Variants in PTPN13 observed in about 807,000 individuals in gnomAD.
PTPN13 encodes tyrosine-protein phosphatase non-receptor type 13.
A neutral mutation model predicts 284.0 loss-of-function variants in PTPN13; 191 were observed. That is an observed-to-expected ratio of 0.67 (90% CI 0.60 to 0.76). PTPN13 has a LOEUF of 0.76. Ranked by LOEUF, PTPN13 falls within the 30% of genes least tolerant of loss-of-function variation. The pLI is 0.00. For missense variants in PTPN13, 2,797 were observed against 2,939.9 expected (o/e 0.95, Z 1.12); for synonymous variants, 986 against 1,022.3 (o/e 0.96, Z 0.68).
chr4:86,684,100 TAA>T (rs3971792), intron 3 of PTPN13, among the ~76,000 whole-genome samples: 7 of 137,986 alleles, frequency 5.1e-5, no homozygotes, highest in African/African-American at 8.0e-5. Context: ...TAAGATATGT[TAA>T]AAAAAAAAAA....
chr4:86,758,474 C>G (rs996039126), intron 21 of PTPN13, 125 bp downstream of exon 21: 1 of 936,226 alleles, frequency 1.1e-6, no homozygotes. Flanking sequence ...TGGCTGCCCA[C>G]CTACAAGCCC....
chr4:86,663,240 A>G (rs1020190147), intron 2 of PTPN13, among the ~76,000 whole-genome samples: 3 of 152,228 alleles, frequency 2.0e-5, no homozygotes, highest in Non-Finnish European at 4.4e-5. Flanking sequence ...AAAGCATACA[A>G]ATTTATGGTA....
chr4:86,785,745 G>C lies in PTPN13; in HGVS notation c.6257-103G>C, dbSNP rs1354712509. The C allele has an allele frequency of 9.1e-6, 5 of 550,598 alleles. No individual in the cohort carries two copies. The East Asian group carries it at 1.6e-4, about 18-fold the overall frequency. The allele number at this position is 550,598 out of a possible 1,614,324, so 34.1% of individuals were successfully genotyped here. On this transcript the variant is annotated intron_variant, in intron 39 of 47. Coordinates refer to ENST00000411767, the MANE Select transcript of PTPN13 (RefSeq NM_080683.3). ...TAGTTAAAACATTGAAACTATTTAT[G>C]GATATTGGTTTATACACTGCCTTCT...
At chr4:86,761,873 A>G (rs1738736369) in intron 23 of PTPN13, among the ~76,000 whole-genome samples, 1 of 152,120 alleles carries the variant, frequency 6.6e-6, no homozygotes, top group Non-Finnish European at 1.5e-5. Flanking sequence ...CTTGTTGTCA[A>G]TTACTACATA....
Position 86,620,452 on chromosome 4 carries a change from C to G in PTPN13, c.-5-14800C>G, listed in dbSNP as rs1281999868. On this transcript the variant is annotated intron_variant, in intron 1 of 47. Coordinates refer to ENST00000411767, the MANE Select transcript of PTPN13 (RefSeq NM_080683.3). Reference sequence around the variant, plus strand: ...TGGGATTATAGGTATGAGCACTGCACCCGCAGAAATTTTATTCTTAAGAAA... The same window carrying G: ...TGGGATTATAGGTATGAGCACTGCAGCCGCAGAAATTTTATTCTTAAGAAA... Among the ~76,000 whole-genome samples, 3 of 152,112 alleles carry G rather than the reference C, an allele frequency of 2.0e-5. No individual in the cohort carries two copies. The South Asian group carries it at 6.2e-4, about 32-fold the overall frequency.
chr4:86,803,687 TA>T (rs1744321992), intron 42 of PTPN13, 21 bp from the exon 43 acceptor site: 1 of 1,611,226 alleles, frequency 6.2e-7, no homozygotes, highest in African/African-American at 1.3e-5. Context: ...GAACTGTTTT[TA>T]AATTGCTGTC....
chr4:86,639,561 A>G (rs903038508), intron 2 of PTPN13, among the ~76,000 whole-genome samples: 1 of 152,120 alleles, frequency 6.6e-6, no homozygotes, highest in African/African-American at 2.4e-5. Flanking sequence ...CATCATTCTC[A>G]GCAAACTATC....
In PTPN13 at chr4:86,616,517, G is replaced by C. The variant is rs529579542; in HGVS notation, c.-5-18735G>C. ...TCCCCAATGTTAGAGGTGGGGCCTG[G>C]TTGGGAGGTATTTAGATCGTGGGGC... is the stretch of plus-strand genomic sequence containing the variant. On this transcript the variant is annotated intron_variant, in intron 1 of 47. Transcript: ENST00000411767. Among the ~76,000 whole-genome samples, 296 of 147,882 alleles carry C rather than the reference G, an allele frequency of 2.0e-3. 1 individual carries two copies. The highest frequency in any genetic ancestry group is 7.1e-3 in the African/African-American group (286 of 40,052).
intron 6 of PTPN13, 119 bp from the exon 7 acceptor site, chr4:86,701,122 C>T (rs1334899940): frequency 1.4e-6 from 1 of 711,934 alleles, no homozygotes; most frequent in East Asian, 2.8e-5. Flanking sequence ...CATTTCACCT[C>T]TGATCTTCCA....
intron 43 of PTPN13, 32 bp downstream of exon 43, chr4:86,803,889 A>C (rs201271829): frequency 2.5e-6 from 4 of 1,602,776 alleles, no homozygotes; most frequent in Non-Finnish European, 2.6e-6. Context: ...TTCTCTCCCA[A>C]AGTGTATGCA....
intron 2 of PTPN13, among the ~76,000 whole-genome samples, chr4:86,652,796 C>T (rs1725247902): frequency 6.6e-6 from 1 of 151,992 alleles, no homozygotes; most frequent in Non-Finnish European, 1.5e-5. Flanking sequence ...GATATTCATA[C>T]TGTAGGTTTG....
Position 86,803,752 on chromosome 4 carries a change from C to T in PTPN13, c.6549C>T (p.Val2183=), listed in dbSNP as rs377718538. ...ACGATGAGCTCGCTGTACTCCCTGT[C>T]GTCAAAGTGCTTCCCTCTGGTAAAT... ...LTNDELAVLP[V]VKVLPSGKYT... is the part of the protein sequence containing the mutation. The change falls in exon 43 of 48, where the codon GTC becomes GTT. Residue 2183 remains valine (V), a synonymous_variant. Coordinates refer to ENST00000411767, the MANE Select transcript of PTPN13 (RefSeq NM_080683.3). The T allele has an allele frequency of 1.4e-5, 22 of 1,613,702 alleles. No individual in the cohort carries two copies. The highest frequency in any genetic ancestry group is 7.7e-5 in the South Asian group (7 of 91,072).
intron 1 of PTPN13, among the ~76,000 whole-genome samples, chr4:86,620,513 G>A (rs1012657290): frequency 4.6e-5 from 7 of 152,172 alleles, no homozygotes; most frequent in African/African-American, 1.7e-4. Context: ...CATTAATGCA[G>A]TACACATATG....
intron 5 of PTPN13, among the ~76,000 whole-genome samples, chr4:86,693,071 T>TAAA (rs34543988): frequency 1.8e-5 from 2 of 112,300 alleles, no homozygotes; most frequent in African/African-American, 3.3e-5. Flanking sequence ...CCGTTATATT[T>TAAA]AAAAAAAAAA....
rs774501203 is a variant in PTPN13, at chr4:86,768,709, C to CTT, written c.4489+751_4489+752dup. On this transcript the variant is annotated intron_variant, in intron 28 of 47. Coordinates refer to ENST00000411767, the MANE Select transcript of PTPN13 (RefSeq NM_080683.3). ...GCTCTTTATTCTTTATTTCTTCCATCTTTTTTTTTTTTTTTTTTTGAAACA... is the reference window on the plus strand; with the variant it reads ...GCTCTTTATTCTTTATTTCTTCCATCTTTTTTTTTTTTTTTTTTTTTGAAACA... Among the ~76,000 whole-genome samples the CTT allele has an allele frequency of 2.8e-4, 36 of 130,396 alleles. 1 individual carries two copies. Among genetic ancestry groups the CTT allele is most frequent in the African/African-American group, 4.6e-4 (15 of 32,944 alleles). 85.5% of individuals were successfully genotyped at this position (130,396 alleles called of 152,430 possible).
At chr4:86,803,420 G>A (rs1035799237) in intron 42 of PTPN13, among the ~76,000 whole-genome samples, 10 of 151,886 alleles carry the variant, frequency 6.6e-5, no homozygotes, top group African/African-American at 1.9e-4. Flanking sequence ...GGGAGACCCC[G>A]TCTCTTCAAA....
intron 11 of PTPN13, 52 bp from the exon 12 acceptor site, chr4:86,732,540 A>C: frequency 6.3e-7 from 1 of 1,596,014 alleles, no homozygotes; most frequent in Non-Finnish European, 8.6e-7. Flanking sequence ...AAACCAGTTA[A>C]AATTCTTATA....
chr4:86,743,960 T>C (rs1284691689), intron 16 of PTPN13, among the ~76,000 whole-genome samples: 1 of 152,138 alleles, frequency 6.6e-6, no homozygotes, highest in Non-Finnish European at 1.5e-5. Flanking sequence ...CCCCGACATG[T>C]TGAACACTGG....
intron 24 of PTPN13, 52 bp from the exon 25 acceptor site, chr4:86,764,541 A>G (rs1739062695): frequency 1.5e-6 from 2 of 1,305,504 alleles, no homozygotes; most frequent in East Asian, 2.9e-5. Flanking sequence ...AAGAAAAATT[A>G]TAATTCATTT....
Sources: gnomAD v4.1 joint callset for allele counts (sites outside exome capture counted in the v4.1 genomes callset) on GRCh38, gnomAD v4.1.1 for gene constraint, MANE v1.5 for transcripts, NCBI Gene and HGNC (gene_info 2026-07-23, HGNC 2026-07-21) for gene names.